The following ARFIP1 variants were observed in gnomAD, a reference collection of about 807,000 sequenced individuals.
ARFIP1 encodes the protein arfaptin-1.
Under a neutral mutation model 42.5 loss-of-function variants are expected in ARFIP1, and 24 were observed. That is an observed-to-expected ratio of 0.57 (90% CI 0.41 to 0.80). The LOEUF is 0.80. ARFIP1 is among the 30% of genes least tolerant of loss of function. The pLI is 0.00. For missense variants in ARFIP1, 354 were observed against 434.0 expected (o/e 0.82, Z 1.64); for synonymous variants, 141 against 153.7 (o/e 0.92, Z 0.61).
At chr4:152,882,099 A>C (rs866380539) in intron 6 of ARFIP1, among the ~76,000 whole-genome samples, 1 of 152,172 alleles carries the variant, frequency 6.6e-6, no homozygotes, top group Non-Finnish European at 1.5e-5. Flanking sequence ...AGTTCTTGCC[A>C]TATCTGAAGG....
chr4:152,793,410 CCTTGAGTT>C (rs1231228562), intron 1 of ARFIP1, among the ~76,000 whole-genome samples: 1 of 150,662 alleles, frequency 6.6e-6, no homozygotes, highest in Admixed American at 6.6e-5. Context: ...TCTCTATCTG[CCTTGAGTT>C]ATTTGGTCTT....
At chr4:152,876,572 GAAAAGA>G (rs1735350292) in intron 5 of ARFIP1, among the ~76,000 whole-genome samples, 2 of 152,228 alleles carry the variant, frequency 1.3e-5, no homozygotes, top group Admixed American at 1.3e-4. Context: ...CTATGCGATA[GAAAAGA>G]AAAACCCATT....
At chr4:152,889,835 AC>A (rs1288914919) in intron 8 of ARFIP1, among the ~76,000 whole-genome samples, 1 of 113,412 alleles carries the variant, frequency 8.8e-6, no homozygotes, top group African/African-American at 3.6e-5. Flanking sequence ...TATACTATAT[AC>A]TATATATATA....
chr4:152,811,090 CTTTTTTT>C (rs5863021), intron 1 of ARFIP1, among the ~76,000 whole-genome samples: 1 of 74,430 alleles, frequency 1.3e-5, no homozygotes, highest in African/African-American at 5.0e-5. Flanking sequence ...AAGGTTAAGC[CTTTTTTT>C]TTTTTTTTTT....
intron 2 of ARFIP1, among the ~76,000 whole-genome samples, chr4:152,836,699 C>T (rs746471759): frequency 2.6e-5 from 4 of 152,134 alleles, no homozygotes; most frequent in Non-Finnish European, 5.9e-5. Context: ...GTCTTAAGAA[C>T]GTTTATTTGC....
At chr4:152,831,942 C>G (rs563733787) in intron 2 of ARFIP1, among the ~76,000 whole-genome samples, 4 of 151,828 alleles carry the variant, frequency 2.6e-5, no homozygotes, top group Admixed American at 1.3e-4. Flanking sequence ...CCCCCCACCC[C>G]CCGAGTATTT....
At position 152,881,091 on chromosome 4, in the gene ARFIP1, A is replaced by G. The variant is rs73865265; in HGVS notation, c.540A>G (p.Gln180=). The G allele has an allele frequency of 2.1e-3, 3,422 of 1,613,874 alleles. 67 individuals carry two copies. The African/African-American group carries it at 0.036, about 17-fold the overall frequency. The part of the protein sequence containing the change: ...KKYENILKLA[Q]TLSTQLFQMV... ...ATGAAAATATTTTAAAACTGGCTCA[A>G]ACATTGTCGACCCAGCTTTTCCAGA... Residue 180 remains glutamine (Q), a synonymous_variant, in exon 6 of 9, where the codon CAA becomes CAG. Coordinates refer to ENST00000353617, the MANE Select transcript of ARFIP1 (RefSeq NM_001025595.3).
chr4:152,798,491 A>C (rs1731610544), intron 1 of ARFIP1, among the ~76,000 whole-genome samples: 1 of 152,166 alleles, frequency 6.6e-6, no homozygotes, highest in African/African-American at 2.4e-5. Context: ...TATGGAGAAA[A>C]TTGTATGTTT....
intron 1 of ARFIP1, chr4:152,809,775 A>G (rs977611249): frequency 3.9e-5 from 6 of 152,312 alleles, no homozygotes; most frequent in African/African-American, 1.4e-4. Flanking sequence ...ATTACTCTTC[A>G]TGTTACAATG....
chr4:152,810,900 G>A (rs932606628), intron 1 of ARFIP1, among the ~76,000 whole-genome samples: 3 of 152,040 alleles, frequency 2.0e-5, no homozygotes, highest in Non-Finnish European at 4.4e-5. Context: ...GTATGATAGT[G>A]TGCTGTGCTT....
In ARFIP1 at chr4:152,851,854, T is replaced by C. The variant is rs377264919; in HGVS notation, c.94-11752T>C. 5.0e-4 allele frequency among the ~76,000 whole-genome samples: 76 copies of C among 152,376 alleles called. 3 individuals are homozygous for C. The East Asian group carries it at 7.7e-3, about 15-fold the overall frequency. On this transcript the variant is annotated intron_variant, in intron 2 of 8. Coordinates refer to ENST00000353617, the MANE Select transcript of ARFIP1 (RefSeq NM_001025595.3). ...TGCTAAATTTTAAGTTCTAAACTTA[T>C]GTTTTTAATGTCATAATTATAGTAA...
chr4:152,803,416 G>C (rs901164085), intron 1 of ARFIP1, among the ~76,000 whole-genome samples: 1 of 152,042 alleles, frequency 6.6e-6, no homozygotes, highest in Admixed American at 6.6e-5. Context: ...TTTTATTTTG[G>C]GGAATTGTCT....
chr4:152,888,034 A>G (rs1398191278), intron 7 of ARFIP1, 99 bp from the exon 8 acceptor site: 14 of 780,348 alleles, frequency 1.8e-5, no homozygotes, highest in Admixed American at 3.1e-5. Flanking sequence ...TATATATTTT[A>G]TTGTATAGTA....
At chr4:152,883,510 T>G (rs1316813243) in intron 7 of ARFIP1, among the ~76,000 whole-genome samples, 1 of 152,066 alleles carries the variant, frequency 6.6e-6, no homozygotes, top group East Asian at 1.9e-4. Flanking sequence ...TTCAAACCCT[T>G]TCAAATTTTA....
At chr4:152,869,735 TA>T (rs1444995159) in intron 3 of ARFIP1, among the ~76,000 whole-genome samples, 2 of 152,214 alleles carry the variant, frequency 1.3e-5, no homozygotes, top group Non-Finnish European at 2.9e-5. Flanking sequence ...AGCCAGTAGT[TA>T]ATGTTTCTTA....
intron 1 of ARFIP1, among the ~76,000 whole-genome samples, chr4:152,809,190 G>C (rs1214876569): frequency 6.6e-6 from 1 of 152,052 alleles, no homozygotes; most frequent in Non-Finnish European, 1.5e-5. Context: ...TCTTATATAG[G>C]GCATGCTTAT....
chr4:152,813,429 C>T (rs1204614647), intron 1 of ARFIP1, among the ~76,000 whole-genome samples: 1 of 152,078 alleles, frequency 6.6e-6, no homozygotes, highest in Non-Finnish European at 1.5e-5. Flanking sequence ...CTTCTCTACT[C>T]TGCGTTTTTC....
At chr4:152,837,992 A>C (rs1731787057) in intron 2 of ARFIP1, among the ~76,000 whole-genome samples, 1 of 152,102 alleles carries the variant, frequency 6.6e-6, no homozygotes, top group Non-Finnish European at 1.5e-5. Flanking sequence ...TTCTCCTACA[A>C]GTGACTAGCC....
At position 152,788,014 on chromosome 4, in the gene ARFIP1, T is replaced by A. The variant is rs558315599; in HGVS notation, c.-10+7788T>A. Among the ~76,000 whole-genome samples, 18 of 152,208 alleles carry A rather than the reference T, an allele frequency of 1.2e-4. No individual in the cohort carries two copies. The South Asian group carries it at 3.7e-3, about 32-fold the overall frequency. On this transcript the variant is annotated intron_variant, in intron 1 of 8. Coordinates refer to ENST00000353617, the MANE Select transcript of ARFIP1 (RefSeq NM_001025595.3). ...GCCGAGGTGGGTGGATCACTTGAGG[T>A]TGGGAGTTCAAGACCAGCCTGGCCA... is the stretch of plus-strand genomic sequence containing the variant.
Sources: gnomAD v4.1 joint callset for allele counts (sites outside exome capture counted in the v4.1 genomes callset) on GRCh38, gnomAD v4.1.1 for gene constraint, MANE v1.5 for transcripts, NCBI Gene and HGNC (gene_info 2026-07-23, HGNC 2026-07-21) for gene names.